The following ZNF536 variants were observed in gnomAD, a reference collection of about 807,000 sequenced individuals.
ZNF536 encodes the protein zinc finger protein 536.
ZNF536 carries 13 observed loss-of-function variants against 84.5 expected under a neutral mutation model. The observed-to-expected ratio is 0.15, with a 90% CI of 0.10 to 0.24. The LOEUF (loss-of-function observed/expected upper bound fraction) is 0.24. ZNF536 is among the 10% of genes least tolerant of loss of function. The pLI is 1.00. For missense variants in ZNF536, 1,536 were observed against 1,747.5 expected, an observed-to-expected ratio of 0.88 and a Z score of 2.16; for synonymous variants, 811 against 742.5, an observed-to-expected ratio of 1.09 and a Z score of -1.50.
chr19:30,697,796 A>C (rs2051725596), intron 1 of ZNF536, among the ~76,000 whole-genome samples: 1 of 152,228 alleles, frequency 6.6e-6, no homozygotes, highest in Non-Finnish European at 1.5e-5. Context: ...CAGGCCCAGC[A>C]GACTGTGTGT....
At chr19:30,442,304 G>A (rs1182752068) in intron 1 of ZNF536, among the ~76,000 whole-genome samples, 2 of 152,264 alleles carry the variant, frequency 1.3e-5, no homozygotes, top group Non-Finnish European at 2.9e-5. Context: ...ACAGGCTGAA[G>A]AGGGGGCAGA....
chr19:30,645,925 C>T (rs909594426), intron 1 of ZNF536, among the ~76,000 whole-genome samples: 4 of 152,092 alleles, frequency 2.6e-5, no homozygotes, highest in Non-Finnish European at 4.4e-5. Context: ...TGGGAAAGTT[C>T]GCCATGCCGT....
chr19:30,312,515 A>G (rs1408457261), intron 2 of ZNF536, among the ~76,000 whole-genome samples: 2 of 152,216 alleles, frequency 1.3e-5, no homozygotes, highest in African/African-American at 2.4e-5. Flanking sequence ...AGTCAGATCA[A>G]TGGAGTTTTT....
chr19:30,549,426 G>A lies in ZNF536; in HGVS notation c.3807G>A (p.Arg1269=), dbSNP rs1335677508. The A allele has an allele frequency of 6.3e-7, 1 of 1,578,046 alleles. No individual in the cohort carries two copies. Among genetic ancestry groups the A allele is most frequent in the African/African-American group, 1.4e-5 (1 of 73,860 alleles). ...CGATGAACATGCTGTCGGTCCTCAG[G>A]GCCTACAGTTCTGATGGCTTAGCAG... ...DKPMNMLSVL[R]AYSSDGLAAF... is the part of the protein sequence containing the mutation. Residue 1269 remains arginine, a synonymous_variant, in exon 4 of 5, where the codon AGG becomes AGA. Transcript: ENST00000355537.
At position 30,659,310 on chromosome 19, in the gene ZNF536, G is replaced by A. The variant is rs374269342; in HGVS notation, c.170-51447G>A. Among the ~76,000 whole-genome samples the A allele has an allele frequency of 1.1e-4, 16 of 151,912 alleles. No homozygotes were observed. In the South Asian group the frequency reaches 3.1e-3, roughly 30 times the overall value. On this transcript the variant is annotated intron_variant, in intron 1 of 1. Transcript: ENST00000592773. The stretch of plus-strand genomic sequence containing the variant: ...GGCCAGGGCAGGAGGAAAGGAGGGA[G>A]GTGGGAGGTGCCACACACATTTAAA...
intron 1 of ZNF536, among the ~76,000 whole-genome samples, chr19:30,253,518 C>A (rs2145125314): frequency 1.3e-5 from 2 of 152,354 alleles, no homozygotes; most frequent in South Asian, 4.1e-4. Context: ...CAACAACGCA[C>A]AGCTTGAATT....
chr19:30,372,903 A>T (rs896744523), intron 1 of ZNF536, among the ~76,000 whole-genome samples: 1 of 151,248 alleles, frequency 6.6e-6, no homozygotes, highest in African/African-American at 2.4e-5. Context: ...AAACAAAACA[A>T]CCCACCTGCT....
At chr19:30,443,370 G>A (rs577965960) in intron 1 of ZNF536, among the ~76,000 whole-genome samples, 191 bp from the exon 2 acceptor site, 29 of 152,318 alleles carry the variant, frequency 1.9e-4, no homozygotes, top group South Asian at 6.2e-4. Context: ...AAAACAAATT[G>A]GAGGAGCAAT....
chr19:30,532,233 G>A (rs1452027504), intron 2 of ZNF536, among the ~76,000 whole-genome samples: 1 of 151,974 alleles, frequency 6.6e-6, no homozygotes, highest in African/African-American at 2.4e-5. Flanking sequence ...AGGCTCAAGC[G>A]ATTCTCCTGC....
chr19:30,453,791 C>A (rs187399187), intron 2 of ZNF536, among the ~76,000 whole-genome samples: 3 of 152,234 alleles, frequency 2.0e-5, no homozygotes, highest in Non-Finnish European at 4.4e-5. Flanking sequence ...GCAGTCCAGG[C>A]AGAATTCATT....
Position 30,373,902 on chromosome 19 carries a change from T to A in ZNF536, c.-3+1346T>A, listed in dbSNP as rs530467119. ...GGGGCCAAGGTGGGCCTCAGCAAGG[T>A]GCACGCGGCCCGGCCCCAGCCCCAG... On this transcript the variant is annotated intron_variant, in intron 1 of 4. Transcript: ENST00000355537. Among the ~76,000 whole-genome samples, 12 of 152,254 alleles carry A rather than the reference T, an allele frequency of 7.9e-5. No individual in the cohort carries two copies. In the South Asian group the frequency reaches 2.5e-3, roughly 32 times the overall value.
chr19:30,267,417 AT>A (rs754259402), intron 1 of ZNF536, among the ~76,000 whole-genome samples: 5 of 152,142 alleles, frequency 3.3e-5, no homozygotes, highest in African/African-American at 4.8e-5. Context: ...TACATTAGGA[AT>A]GTTTGATAAA....
At chr19:30,293,667 G>A (rs550757755) in intron 2 of ZNF536, among the ~76,000 whole-genome samples, 5 of 152,290 alleles carry the variant, frequency 3.3e-5, no homozygotes, top group African/African-American at 9.6e-5. Context: ...TTTCTGGCTC[G>A]ATTCATTTTG....
At chr19:30,462,192 C>T (rs1233235055) in intron 2 of ZNF536, among the ~76,000 whole-genome samples, 4 of 152,148 alleles carry the variant, frequency 2.6e-5, no homozygotes, top group Non-Finnish European at 4.4e-5. Flanking sequence ...GGCCCTGGCC[C>T]CACCTAAGAT....
At chr19:30,503,039 C>A (rs762277298) in intron 2 of ZNF536, among the ~76,000 whole-genome samples, 2 of 152,130 alleles carry the variant, frequency 1.3e-5, no homozygotes. Context: ...ACAGGTTTTA[C>A]CTTTATTCAT....
At chr19:30,229,001 A>G (rs2022806560) in intron 1 of ZNF536, among the ~76,000 whole-genome samples, 1 of 151,826 alleles carries the variant, frequency 6.6e-6, no homozygotes, top group African/African-American at 2.4e-5. Flanking sequence ...AGTCGGTCCC[A>G]GTGGCCGCCG....
chr19:30,236,816 A>AG (rs1287628454), intron 1 of ZNF536, among the ~76,000 whole-genome samples: 3 of 151,738 alleles, frequency 2.0e-5, no homozygotes, highest in Non-Finnish European at 4.4e-5. Context: ...TGTCCTTTGG[A>AG]GGGGGGTGGT....
chr19:30,537,922 A>G (rs1333470841), intron 3 of ZNF536, among the ~76,000 whole-genome samples: 1 of 152,216 alleles, frequency 6.6e-6, no homozygotes, highest in Non-Finnish European at 1.5e-5. Flanking sequence ...TAACCAGATA[A>G]AGATCAATTA....
chr19:30,558,218 T>C (rs1477677450), downstream of ZNF536, among the ~76,000 whole-genome samples: 1 of 152,118 alleles, frequency 6.6e-6, no homozygotes, highest in African/African-American at 2.4e-5. Context: ...TTCTATCCAC[T>C]CTTAGGTGGG....
Sources: gnomAD v4.1 joint callset for allele counts (sites outside exome capture counted in the v4.1 genomes callset) on GRCh38, gnomAD v4.1.1 for gene constraint, MANE v1.5 for transcripts, NCBI Gene and HGNC (gene_info 2026-07-23, HGNC 2026-07-21) for gene names.